The following CALCRL variants were observed in gnomAD, a reference collection of about 807,000 sequenced individuals.
The protein encoded by CALCRL is calcitonin gene-related peptide type 1 receptor.
CALCRL carries 27 observed loss-of-function variants against 60.4 expected under a neutral mutation model. The observed-to-expected ratio is 0.45, with a 90% CI of 0.33 to 0.62. The LOEUF (loss-of-function observed/expected upper bound fraction) is 0.62. Among genes scored for constraint, CALCRL ranks in the 20% least tolerant of loss-of-function variants. The probability of loss-of-function intolerance (pLI) is 0.03; values close to 1 mark genes in which losing one functional copy is unlikely to be tolerated. For missense variants in CALCRL, 424 were observed against 540.7 expected (o/e 0.78, Z 2.14); for synonymous variants, 190 against 182.6 (o/e 1.04, Z -0.33).
chr2:187,353,283 T>A (rs1448194415), intron 12 of CALCRL, among the ~76,000 whole-genome samples: 1 of 151,938 alleles, frequency 6.6e-6, no homozygotes, highest in African/African-American at 2.4e-5. Flanking sequence ...AAGAGCTCCA[T>A]AGGGGCTAAT....
In CALCRL at chr2:187,352,108, C is replaced by T. The variant is rs1385619907; in HGVS notation, c.1128+6G>A. The stretch of plus-strand genomic sequence containing the variant: ...TCAAGCTGCCTTCTTATCAAGAATG[C>T]CATACCTGGAAGTGCATAAGGATGT... On this transcript the variant is annotated splice_donor_region_variant and intron_variant, in intron 13 of 14. Transcript: ENST00000392370. The T allele has an allele frequency of 4.3e-6, 7 of 1,609,850 alleles. No homozygotes were observed. Among genetic ancestry groups the T allele is most frequent in the African/African-American group, 1.3e-5 (1 of 74,822 alleles).
chr2:187,424,970 G>C (rs1362673623), intron 1 of CALCRL, among the ~76,000 whole-genome samples: 2 of 151,836 alleles, frequency 1.3e-5, no homozygotes, highest in African/African-American at 4.8e-5. Flanking sequence ...AAAAAATAAA[G>C]TTTTTTATAA....
chr2:187,436,062 C>T (rs1286815543), intron 1 of CALCRL, among the ~76,000 whole-genome samples: 2 of 152,028 alleles, frequency 1.3e-5, no homozygotes, highest in African/African-American at 2.4e-5. Context: ...GTATTACATA[C>T]TTCTTGTTAT....
chr2:187,435,678 T>C (rs182108628), intron 1 of CALCRL, among the ~76,000 whole-genome samples: 1 of 152,260 alleles, frequency 6.6e-6, no homozygotes, highest in East Asian at 1.9e-4. Flanking sequence ...TGCAATTTAT[T>C]AGGGAAAGGT....
chr2:187,362,122 A>G lies in CALCRL; in HGVS notation c.627+1254T>C, dbSNP rs563754141. Among the ~76,000 whole-genome samples the G allele has an allele frequency of 1.7e-4, 26 of 152,200 alleles. No homozygotes were observed. In the South Asian group the frequency reaches 5.0e-3, roughly 29 times the overall value. On this transcript the variant is annotated intron_variant, in intron 9 of 14. Transcript: ENST00000392370. ...ACCATTACAATAAAAAAGAATTAAG[A>G]GCATACTGCAGAAAAATATTTCTAT...
intron 1 of CALCRL, among the ~76,000 whole-genome samples, chr2:187,398,086 C>T (rs940132590): frequency 1.2e-4 from 18 of 151,554 alleles, no homozygotes; most frequent in South Asian, 6.2e-4. Flanking sequence ...AAGAGGCAAG[C>T]GGCCAAATCT....
chr2:187,406,872 A>T (rs909926404), intron 1 of CALCRL, among the ~76,000 whole-genome samples: 3 of 152,098 alleles, frequency 2.0e-5, no homozygotes, highest in Non-Finnish European at 4.4e-5. Context: ...TATGCAGAAC[A>T]GAATTTTGGA....
chr2:187,435,281 C>A (rs1343208213), intron 1 of CALCRL, among the ~76,000 whole-genome samples: 1 of 152,116 alleles, frequency 6.6e-6, no homozygotes. Flanking sequence ...TATCTCCTAT[C>A]TCGTGGCAAC....
At chr2:187,447,753 T>A (rs1297098256) in intron 1 of CALCRL, among the ~76,000 whole-genome samples, 2 of 152,164 alleles carry the variant, frequency 1.3e-5, no homozygotes, top group Non-Finnish European at 1.5e-5. Context: ...GACATTGTTC[T>A]GTGATTAAGG....
At chr2:187,394,823 C>CT (rs1020465587) in intron 1 of CALCRL, among the ~76,000 whole-genome samples, 3 of 151,982 alleles carry the variant, frequency 2.0e-5, no homozygotes, top group Non-Finnish European at 4.4e-5. Flanking sequence ...CACTTAAACT[C>CT]TCTCAACCGA....
At chr2:187,405,594 T>C (rs1426112667) in intron 1 of CALCRL, among the ~76,000 whole-genome samples, 3 of 152,038 alleles carry the variant, frequency 2.0e-5, no homozygotes, top group Non-Finnish European at 2.9e-5. Flanking sequence ...GACTCTAAAA[T>C]GACTTGTGTA....
intron 12 of CALCRL, among the ~76,000 whole-genome samples, chr2:187,353,942 A>G (rs1005829119): frequency 2.2e-5 from 2 of 90,824 alleles, no homozygotes; most frequent in African/African-American, 9.1e-5. Flanking sequence ...TAGAAACTAG[A>G]GTTGACAATA....
At chr2:187,423,505 A>C (rs1478050261) in intron 1 of CALCRL, among the ~76,000 whole-genome samples, 1 of 151,992 alleles carries the variant, frequency 6.6e-6, no homozygotes, top group African/African-American at 2.4e-5. Context: ...TTAATAGGAT[A>C]TTATTGAGGA....
chr2:187,363,463 C>T lies in CALCRL; in HGVS notation c.540G>A (p.Leu180=). Residue 180 remains leucine, a synonymous_variant, in exon 9 of 15, where the codon CTG becomes CTA. Transcript: ENST00000392370. ...SCQRITLHKN[L]FFSFVCNSVV... ...CAGAGTTACAAACAAATGAGAAGAACAGATTTTTGTGTAAGGTAATCCTTT... is the reference window on the plus strand; with the variant it reads ...CAGAGTTACAAACAAATGAGAAGAATAGATTTTTGTGTAAGGTAATCCTTT... 1 of 1,607,574 alleles carries T rather than the reference C, an allele frequency of 6.2e-7. No individual in the cohort carries two copies. Among genetic ancestry groups the T allele is most frequent in the East Asian group, 2.3e-5 (1 of 44,290 alleles).
rs1411531414 is a variant in CALCRL at position 187,343,505 on chromosome 2, C to T, written c.*2679G>A. On this transcript the variant is annotated 3_prime_UTR_variant, in exon 15 of 15. Transcript: ENST00000392370. ...AGCAATAAATACAGCACTACAGCCA[C>T]CACTAATTCTATATACATTGGATTA... 1 of 151,856 alleles carries T rather than the reference C, an allele frequency of 6.6e-6. No homozygotes were observed. The highest frequency in any genetic ancestry group is 1.5e-5 in the Non-Finnish European group (1 of 67,548). The allele number at this position is 151,856 out of a possible 1,614,324, so 9.4% of individuals were successfully genotyped here.
intron 1 of CALCRL, among the ~76,000 whole-genome samples, chr2:187,416,301 T>C (rs1373040830): frequency 6.6e-6 from 1 of 152,204 alleles, no homozygotes; most frequent in Non-Finnish European, 1.5e-5. Flanking sequence ...ATTCAGCACT[T>C]ATAATTTCTG....
chr2:187,404,133 A>C (rs1156447667), intron 1 of CALCRL, among the ~76,000 whole-genome samples: 1 of 151,734 alleles, frequency 6.6e-6, no homozygotes, highest in East Asian at 1.9e-4. Context: ...TCTGATTTGC[A>C]CCCTTAACTG....
chr2:187,430,275 G>T (rs1349313952), intron 1 of CALCRL, among the ~76,000 whole-genome samples: 1 of 152,068 alleles, frequency 6.6e-6, no homozygotes, highest in South Asian at 2.1e-4. Context: ...TCTATTTTTG[G>T]GTCCAGCAGT....
At chr2:187,349,732 G>T (rs1305518763) in intron 14 of CALCRL, among the ~76,000 whole-genome samples, 3 of 151,594 alleles carry the variant, frequency 2.0e-5, no homozygotes, top group African/African-American at 7.3e-5. Flanking sequence ...GAAGATCAAG[G>T]TTCTGTGTCC....
Sources: gnomAD v4.1 joint callset for allele counts (sites outside exome capture counted in the v4.1 genomes callset) on GRCh38, gnomAD v4.1.1 for gene constraint, MANE v1.5 for transcripts, NCBI Gene and HGNC (gene_info 2026-07-23, HGNC 2026-07-21) for gene names.